The following PRUNE2 variants were observed in gnomAD, a reference collection of about 807,000 sequenced individuals.
PRUNE2 encodes prune homolog 2 with BCH domain.
A neutral mutation model predicts 252.0 loss-of-function variants in PRUNE2; 164 were observed. The observed-to-expected ratio is 0.65, with a 90% CI of 0.57 to 0.74. The LOEUF (loss-of-function observed/expected upper bound fraction) is 0.74, where lower values mean the gene tolerates loss of function less well. Ranked by LOEUF, PRUNE2 falls within the 30% of genes least tolerant of loss-of-function variation. The pLI is 0.00. For missense variants in PRUNE2, 3,495 were observed against 3,711.0 expected, an observed-to-expected ratio of 0.94 and a Z score of 1.51; for synonymous variants, 1,292 against 1,350.2, an observed-to-expected ratio of 0.96 and a Z score of 0.94.
intron 9 of PRUNE2, among the ~76,000 whole-genome samples, chr9:76,662,429 C>T (rs938414120): frequency 6.6e-6 from 1 of 152,204 alleles, no homozygotes; most frequent in African/African-American, 2.4e-5. Context: ...AACTTTTGGA[C>T]ATAAATGCAC....
intron 6 of PRUNE2, among the ~76,000 whole-genome samples, chr9:76,754,299 T>C (rs1381116545): frequency 2.0e-5 from 3 of 152,122 alleles, no homozygotes; most frequent in Non-Finnish European, 4.4e-5. Context: ...GAATAACAGA[T>C]CTATCTCTGC....
At chr9:76,875,812 T>C (rs2061445528) in intron 1 of PRUNE2, among the ~76,000 whole-genome samples, 1 of 152,238 alleles carries the variant, frequency 6.6e-6, no homozygotes, top group African/African-American at 2.4e-5. Context: ...ACCACTGCTA[T>C]CCATCCTTTC....
At chr9:76,867,717 T>G (rs550365633) in intron 1 of PRUNE2, among the ~76,000 whole-genome samples, 1 of 152,188 alleles carries the variant, frequency 6.6e-6, no homozygotes, top group Non-Finnish European at 1.5e-5. Flanking sequence ...TACAGGCGCG[T>G]GCCACCATGC....
chr9:76,726,980 C>A (rs957693333), intron 6 of PRUNE2, among the ~76,000 whole-genome samples: 5 of 152,116 alleles, frequency 3.3e-5, no homozygotes, highest in Admixed American at 6.5e-5. Flanking sequence ...CTAAGCAAGC[C>A]AAATACAGAA....
chr9:76,790,718 C>G (rs2055468249), intron 6 of PRUNE2, among the ~76,000 whole-genome samples: 1 of 152,186 alleles, frequency 6.6e-6, no homozygotes, highest in Non-Finnish European at 1.5e-5. Flanking sequence ...ATAAATGAGA[C>G]CTGCTGTGAG....
chr9:76,655,347 A>G (rs1489945106), intron 10 of PRUNE2, 76 bp downstream of exon 10: 2 of 1,048,778 alleles, frequency 1.9e-6, no homozygotes, highest in African/African-American at 1.6e-5. Context: ...TGCACAGGAA[A>G]TAATTCTTTC....
In PRUNE2 at chr9:76,826,855, G is replaced by C. The variant is rs888699602; in HGVS notation, c.509-123C>G. The C allele has an allele frequency of 5.3e-6, 4 of 755,118 alleles. No homozygotes were observed. In the East Asian group the frequency reaches 1.1e-4, roughly 20 times the overall value. The allele number at this position is 755,118 out of a possible 1,614,324, so 46.8% of individuals were successfully genotyped here. On this transcript the variant is annotated intron_variant, in intron 4 of 18. Transcript: ENST00000376718. ...CCATTTCTGTCTCTCACCTGGACCA[G>C]AGTCCTCCACACGTAACATTCAAGA...
chr9:76,786,786 C>T (rs1233044062), intron 6 of PRUNE2: 1 of 152,204 alleles, frequency 6.6e-6, no homozygotes, highest in Non-Finnish European at 1.5e-5. Context: ...CAAAATCCAA[C>T]TCATTATCTT....
intron 9 of PRUNE2, among the ~76,000 whole-genome samples, chr9:76,661,372 A>G (rs1471319588): frequency 6.6e-6 from 1 of 152,052 alleles, no homozygotes; most frequent in Non-Finnish European, 1.5e-5. Context: ...CCTCCCAAGT[A>G]GCTAGGATTA....
At chr9:76,817,086 G>A (rs1394456825) in intron 6 of PRUNE2, among the ~76,000 whole-genome samples, 1 of 152,202 alleles carries the variant, frequency 6.6e-6, no homozygotes, top group Non-Finnish European at 1.5e-5. Flanking sequence ...CTAAGAGGAA[G>A]AAAGTTTGGT....
rs147648065 is a variant in PRUNE2 at position 76,649,295 on chromosome 9, A to C, written c.8557+3188T>G. ...CATACACAGACACGTTTATTTTTCA[A>C]AGAGTATGATTATTCTATATATTCT... On this transcript the variant is annotated intron_variant, in intron 11 of 18. Transcript: ENST00000376718. Among the ~76,000 whole-genome samples, 530 of 152,148 alleles carry C rather than the reference A, an allele frequency of 3.5e-3. 1 individual carries two copies. Among genetic ancestry groups the C allele is most frequent in the Non-Finnish European group, 5.2e-3 (354 of 68,026 alleles).
chr9:76,901,127 T>TA (rs2063145915), intron 1 of PRUNE2, among the ~76,000 whole-genome samples: 1 of 152,090 alleles, frequency 6.6e-6, no homozygotes, highest in Non-Finnish European at 1.5e-5. Flanking sequence ...CTGTTTACAC[T>TA]AAAAAAGTAT....
At chr9:76,754,549 C>T (rs1312011637) in intron 6 of PRUNE2, among the ~76,000 whole-genome samples, 1 of 152,184 alleles carries the variant, frequency 6.6e-6, no homozygotes, top group African/African-American at 2.4e-5. Context: ...CCAAACACTT[C>T]CTGTCTTTCT....
intron 6 of PRUNE2, chr9:76,782,547 T>C (rs2054529648): frequency 6.6e-6 from 1 of 152,228 alleles, no homozygotes; most frequent in African/African-American, 2.4e-5. Flanking sequence ...TTAATTTTTG[T>C]AAAATCCTTC....
rs984684882 is a variant in PRUNE2, at chr9:76,710,972, C to T, written c.1302G>A (p.Arg434=). The change falls in exon 8 of 19, where the codon AGG becomes AGA. Residue 434 remains arginine (R), a synonymous_variant. Coordinates refer to ENST00000376718, the MANE Select transcript of PRUNE2 (RefSeq NM_015225.3). The part of the protein sequence containing the change: ...VSPDSGLATI[R]SSRSSKESSV... Reference sequence around the variant, plus strand: ...AGCTCTCCTTGGATGAGCGGCTGCTCCTAATGGTAGCCAGTCCGCTGTCTG... The same window carrying T: ...AGCTCTCCTTGGATGAGCGGCTGCTTCTAATGGTAGCCAGTCCGCTGTCTG... 3 of 1,607,694 alleles carry T rather than the reference C, an allele frequency of 1.9e-6. No homozygotes were observed. The highest frequency in any genetic ancestry group is 1.3e-5 in the African/African-American group (1 of 74,784).
intron 6 of PRUNE2, among the ~76,000 whole-genome samples, chr9:76,748,036 T>A (rs2050292634): frequency 6.6e-6 from 1 of 152,154 alleles, no homozygotes; most frequent in African/African-American, 2.4e-5. Flanking sequence ...GACCTCATGA[T>A]CCACCCATCT....
intron 6 of PRUNE2, among the ~76,000 whole-genome samples, chr9:76,752,406 A>G (rs1288838279): frequency 6.6e-6 from 1 of 152,040 alleles, no homozygotes; most frequent in Admixed American, 6.6e-5. Flanking sequence ...AACTCACTCA[A>G]TTCTTAAATG....
rs78458855 is a variant in PRUNE2 at position 76,682,954 on chromosome 9, C to T, written c.8276+20383G>A. ...TCCACCAAACTGTACTTTTAATTGA[C>T]CTCTCTTCATCTTCTCCTGACCATT... On this transcript the variant is annotated intron_variant, in intron 9 of 18. Coordinates refer to ENST00000376718, the MANE Select transcript of PRUNE2 (RefSeq NM_015225.3). Among the ~76,000 whole-genome samples the T allele has an allele frequency of 1.0e-3, 154 of 152,300 alleles. 3 individuals are homozygous for T. In the East Asian group the frequency reaches 0.028, roughly 28 times the overall value.
intron 1 of PRUNE2, among the ~76,000 whole-genome samples, chr9:76,892,119 GCA>G (rs2062519026): frequency 6.6e-6 from 1 of 152,120 alleles, no homozygotes; most frequent in South Asian, 2.1e-4. Flanking sequence ...AACTGGTGTG[GCA>G]CAGTTTCTGT....
Sources: allele counts gnomAD v4.1 joint callset (sites outside exome capture counted in the v4.1 genomes callset), GRCh38; gene constraint gnomAD v4.1.1; transcripts MANE v1.5; gene names NCBI Gene and HGNC (gene_info 2026-07-23, HGNC 2026-07-21).